The following SNX29 variants were observed in gnomAD, a reference collection of about 807,000 sequenced individuals.
SNX29 encodes sorting nexin-29.
A neutral mutation model predicts 102.1 loss-of-function variants in SNX29; 78 were observed. The observed-to-expected ratio is 0.76, with a 90% CI of 0.64 to 0.92. SNX29 has a LOEUF of 0.92. Ranked by LOEUF, SNX29 falls within the 40% of genes least tolerant of loss-of-function variation. The probability of loss-of-function intolerance (pLI) is 0.00; values close to 1 mark genes in which losing one functional copy is unlikely to be tolerated. For synonymous variants in SNX29, 580 were observed against 414.5 expected, an observed-to-expected ratio of 1.40 and a Z score of -4.85; for missense variants, 1,280 against 1,061.7, an observed-to-expected ratio of 1.21 and a Z score of -2.86.
At chr16:12,283,663 G>A (rs976643615) in intron 15 of SNX29, among the ~76,000 whole-genome samples, 3 of 152,216 alleles carry the variant, frequency 2.0e-5, no homozygotes, top group African/African-American at 7.2e-5. Flanking sequence ...AGTTGCATTA[G>A]CTCTTCCTCA....
chr16:12,530,441 C>G (rs1157085010), intron 20 of SNX29, among the ~76,000 whole-genome samples: 3 of 152,156 alleles, frequency 2.0e-5, no homozygotes, highest in Non-Finnish European at 2.9e-5. Context: ...CCCATGCACA[C>G]CTACCCTTGC....
intron 14 of SNX29, among the ~76,000 whole-genome samples, chr16:12,201,565 C>T (rs905117911): frequency 6.6e-6 from 1 of 152,222 alleles, no homozygotes; most frequent in Non-Finnish European, 1.5e-5. Context: ...TGGTTCTTTG[C>T]ATTATAAAAT....
At chr16:12,021,301 C>T (rs892189404) in intron 3 of SNX29, among the ~76,000 whole-genome samples, 2 of 151,980 alleles carry the variant, frequency 1.3e-5, no homozygotes, top group African/African-American at 4.8e-5. Flanking sequence ...TGGTGCACAC[C>T]TGTAATCCCA....
intron 20 of SNX29, among the ~76,000 whole-genome samples, chr16:12,542,223 G>C (rs1354715213): frequency 6.6e-6 from 1 of 152,144 alleles, no homozygotes; most frequent in Non-Finnish European, 1.5e-5. Context: ...GCAACTCAGA[G>C]GGATAGGACC....
chr16:12,089,438 A>G (rs373513587), intron 11 of SNX29, among the ~76,000 whole-genome samples: 25 of 152,338 alleles, frequency 1.6e-4, no homozygotes, highest in Middle Eastern at 6.8e-3. Context: ...CTTGGTTTAT[A>G]TACTGATGAA....
intron 14 of SNX29, among the ~76,000 whole-genome samples, chr16:12,255,017 A>G (rs1262206465): frequency 6.6e-6 from 1 of 152,184 alleles, no homozygotes; most frequent in Non-Finnish European, 1.5e-5. Context: ...CATCAGCTGT[A>G]TTGAAGTATC....
intron 3 of SNX29, among the ~76,000 whole-genome samples, chr16:12,013,500 A>AAAAAAAAAAATATATAT: frequency 9.5e-5 from 3 of 31,628 alleles, no homozygotes; most frequent in Non-Finnish European, 1.2e-4. Context: ...AAAAAAAAAA[A>AAAAAAAAAAATATATAT]ATATATATAT....
chr16:12,364,217 T>TGTTATGTTATGTTATGTTA (rs1567481923), intron 16 of SNX29, among the ~76,000 whole-genome samples: 14 of 149,182 alleles, frequency 9.4e-5, no homozygotes, highest in African/African-American at 3.0e-4. Context: ...TGTTATGTTA[T>TGTTATGTTATGTTATGTTA]TTTTGTAGAG....
chr16:12,306,397 A>G (rs530638691), intron 15 of SNX29, among the ~76,000 whole-genome samples: 2 of 152,094 alleles, frequency 1.3e-5, no homozygotes, highest in South Asian at 4.2e-4. Context: ...TGTTAAGGCC[A>G]CAGAGAGAAC....
intron 18 of SNX29, among the ~76,000 whole-genome samples, chr16:12,429,484 G>T (rs1024989118): frequency 6.6e-6 from 1 of 152,152 alleles, no homozygotes; most frequent in Non-Finnish European, 1.5e-5. Context: ...GCAATGACAA[G>T]ATCATAGCTC....
intron 15 of SNX29, among the ~76,000 whole-genome samples, chr16:12,331,548 T>C (rs923824066): frequency 2.0e-5 from 3 of 152,088 alleles, no homozygotes; most frequent in African/African-American, 7.2e-5. Flanking sequence ...AGAAGACCTG[T>C]TCCAGAATTT....
chr16:12,403,523 G>C lies in SNX29; in HGVS notation c.2031G>C (p.Val677=). The stretch of plus-strand genomic sequence containing the variant: ...GCAAAGCAGCAAATGCATTCCACGT[G>C]TATCAGGTGAGTGCCTGGTTTTCAG... ...LRGKAANAFH[V]YQVYIRIKDD... The change falls in exon 18 of 21, where the codon GTG becomes GTC. Residue 677 remains valine (V), a synonymous_variant. Transcript: ENST00000566228. The C allele has an allele frequency of 6.2e-7, 1 of 1,604,966 alleles. No individual in the cohort carries two copies. The highest frequency in any genetic ancestry group is 8.5e-7 in the Non-Finnish European group (1 of 1,175,560).
intron 15 of SNX29, among the ~76,000 whole-genome samples, chr16:12,345,431 T>C (rs1257486360): frequency 6.6e-6 from 1 of 152,202 alleles, no homozygotes; most frequent in African/African-American, 2.4e-5. Context: ...CACAACAGCT[T>C]ATGGCTCTGG....
intron 18 of SNX29, among the ~76,000 whole-genome samples, chr16:12,472,815 ATTC>A (rs960836154): frequency 2.6e-5 from 4 of 152,040 alleles, no homozygotes; most frequent in Non-Finnish European, 4.4e-5. Flanking sequence ...CATGAGGGTA[ATTC>A]TTCTCAGTGG....
intron 15 of SNX29, among the ~76,000 whole-genome samples, chr16:12,282,035 G>C (rs578213126): frequency 1.5e-5 from 2 of 133,000 alleles, no homozygotes; most frequent in African/African-American, 5.6e-5. Context: ...AGTGAGCTGG[G>C]ATCATGGCTC....
chr16:12,462,071 C>T (rs2086829923), intron 18 of SNX29, among the ~76,000 whole-genome samples: 1 of 133,202 alleles, frequency 7.5e-6, no homozygotes. Flanking sequence ...ATATCCAGAC[C>T]AGTGTGGAGA....
rs140410693 is a variant in SNX29 at position 12,040,416 on chromosome 16, C to A, written c.248-2481C>A. Among the ~76,000 whole-genome samples the A allele has an allele frequency of 4.6e-3, 702 of 152,200 alleles. 14 individuals are homozygous for A. Among genetic ancestry groups the A allele is most frequent in the African/African-American group, 0.016 (671 of 41,516 alleles). The stretch of plus-strand genomic sequence containing the variant: ...AATGTATATAACAAATTTTAAAAAT[C>A]TGTGTACATGTGGATAAAAAGTAGT... On this transcript the variant is annotated intron_variant, in intron 4 of 20. Coordinates refer to ENST00000566228, the MANE Select transcript of SNX29 (RefSeq NM_032167.5).
chr16:12,486,414 C>G (rs11863513), intron 19 of SNX29, among the ~76,000 whole-genome samples: 54,722 of 151,286 alleles, frequency 0.36, 10,443 homozygotes, highest in South Asian at 0.5. Flanking sequence ...TCCTGCCTAC[C>G]GTACACCTCT....
intron 18 of SNX29, among the ~76,000 whole-genome samples, chr16:12,455,817 G>C (rs2086513964): frequency 6.6e-6 from 1 of 152,042 alleles, no homozygotes; most frequent in Non-Finnish European, 1.5e-5. Context: ...CGGTATGGAG[G>C]GTAAGCCCTC....
Sources: allele counts gnomAD v4.1 joint callset (sites outside exome capture counted in the v4.1 genomes callset), GRCh38; gene constraint gnomAD v4.1.1; transcripts MANE v1.5; gene names NCBI Gene and HGNC (gene_info 2026-07-23, HGNC 2026-07-21).